SLC6A11: variants seen among roughly 807,000 people sequenced by gnomAD.
SLC6A11 encodes sodium- and chloride-dependent GABA transporter 3.
SLC6A11 carries 25 observed loss-of-function variants against 74.8 expected under a neutral mutation model. The ratio of observed to expected loss-of-function variants is 0.33; its 90% CI spans 0.24 to 0.47. The LOEUF is 0.47. Ranked by LOEUF, SLC6A11 falls within the 20% of genes least tolerant of loss-of-function variation. The pLI is 1.00. For missense variants in SLC6A11, 574 were observed against 837.0 expected (o/e 0.69, Z 3.88); for synonymous variants, 330 against 330.2 (o/e 1.00, Z 0.01).
intron 5 of SLC6A11, among the ~76,000 whole-genome samples, chr3:10,851,554 TGTC>T (rs1396538559): frequency 6.6e-6 from 1 of 152,194 alleles, no homozygotes; most frequent in African/African-American, 2.4e-5. Context: ...CAGATCGTGT[TGTC>T]TGGAGGATGG....
At chr3:10,861,384 G>C (rs1275311969) in intron 5 of SLC6A11, among the ~76,000 whole-genome samples, 1 of 151,902 alleles carries the variant, frequency 6.6e-6, no homozygotes, top group African/African-American at 2.4e-5. Context: ...GGGCATGGTG[G>C]TGGACACCTG....
At chr3:10,925,933 C>G (rs1461743906) in intron 8 of SLC6A11, 71 bp from the exon 9 acceptor site, 5 of 851,840 alleles carry the variant, frequency 5.9e-6, no homozygotes, top group Non-Finnish European at 7.8e-6. Context: ...TCAGTAAATG[C>G]TGGATTAAAA....
chr3:10,926,075 T>C lies in SLC6A11; in HGVS notation c.1192T>C (p.Leu398=), dbSNP rs1695601745. 1 of 1,613,414 alleles carries C rather than the reference T, an allele frequency of 6.2e-7. No homozygotes were observed. The highest frequency in any genetic ancestry group is 1.1e-5 in the South Asian group (1 of 91,064). Residue 398 remains leucine (L), a synonymous_variant, in exon 9 of 14, where the codon TTG becomes CTG. Transcript: ENST00000254488. This position sits in a 1 kb window ranked among gnomAD's most constrained non-coding sequence, Gnocchi z 5.7. ...GCCTCTCTCCCCGCTGTGGGCCACC[T>C]TGTTCTTCATGATGCTCATCTTCCT... The part of the protein sequence containing the change: ...MMPLSPLWAT[L]FFMMLIFLGL...
chr3:10,817,914 C>G (rs1694084496), intron 1 of SLC6A11, among the ~76,000 whole-genome samples: 1 of 152,150 alleles, frequency 6.6e-6, no homozygotes, highest in African/African-American at 2.4e-5. Context: ...TAAGCTGCGT[C>G]CACTTGGAAA....
At chr3:10,893,563 T>C (rs1340040155) in intron 6 of SLC6A11, among the ~76,000 whole-genome samples, 2 of 152,162 alleles carry the variant, frequency 1.3e-5, no homozygotes, top group Non-Finnish European at 2.9e-5. Flanking sequence ...GGGTAGGAGT[T>C]TCCTCAGTTT....
intron 6 of SLC6A11, 58 bp from the exon 7 acceptor site, chr3:10,912,032 A>G: frequency 1.8e-6 from 2 of 1,135,510 alleles, no homozygotes; most frequent in East Asian, 2.3e-5. Flanking sequence ...GACCAGGGCT[A>G]CCCTCTCACC....
chr3:10,895,116 C>T (rs1268810653), intron 6 of SLC6A11, among the ~76,000 whole-genome samples: 2 of 152,216 alleles, frequency 1.3e-5, no homozygotes, highest in Non-Finnish European at 2.9e-5. Flanking sequence ...GATGAACAGC[C>T]TGGAAGTGCC....
chr3:10,910,095 T>C (rs1695366885), intron 6 of SLC6A11, among the ~76,000 whole-genome samples: 1 of 152,158 alleles, frequency 6.6e-6, no homozygotes, highest in Admixed American at 6.5e-5. Context: ...GCCCCTGCAC[T>C]TCATGAAAAA....
rs767600599 is a variant in SLC6A11, at chr3:10,925,992, C to A, written c.1121-12C>A. ...CTCCACCCAGTGGCTTTCTCTCTCT[C>A]CCTCGCTCCAGGCCCCGGCCTGGCC... is the stretch of plus-strand genomic sequence containing the variant. On this transcript the variant is annotated splice_polypyrimidine_tract_variant and intron_variant, in intron 8 of 13. Transcript: ENST00000254488. 28 of 1,519,470 alleles carry A rather than the reference C, an allele frequency of 1.8e-5. No homozygotes were observed. The highest frequency in any genetic ancestry group is 2.3e-5 in the Non-Finnish European group (25 of 1,097,668). The allele number at this position is 1,519,470 out of a possible 1,614,324, so 94.1% of individuals were successfully genotyped here.
At chr3:10,928,913 G>A (rs1695645704) in intron 9 of SLC6A11, among the ~76,000 whole-genome samples, 2 of 152,338 alleles carry the variant, frequency 1.3e-5, no homozygotes, top group South Asian at 2.1e-4. Flanking sequence ...AGGAGTACTA[G>A]ATTTGGAGTC....
intron 5 of SLC6A11, among the ~76,000 whole-genome samples, chr3:10,855,569 T>A (rs2106591749): frequency 6.6e-6 from 1 of 152,318 alleles, no homozygotes; most frequent in Middle Eastern, 3.4e-3. Context: ...AGCTTGTGGG[T>A]CCAGGGAGAT....
At chr3:10,862,482 G>T (rs2106595245) in intron 5 of SLC6A11, among the ~76,000 whole-genome samples, 1 of 152,304 alleles carries the variant, frequency 6.6e-6, no homozygotes, top group Non-Finnish European at 1.5e-5. Context: ...TGTGGACAGG[G>T]ATTTAAATTG....
chr3:10,906,624 G>A (rs183377142), intron 6 of SLC6A11, among the ~76,000 whole-genome samples: 1 of 152,308 alleles, frequency 6.6e-6, no homozygotes, highest in East Asian at 1.9e-4. Context: ...AGTGGGGGAG[G>A]ACTGCAGCAA....
intron 13 of SLC6A11, among the ~76,000 whole-genome samples, chr3:10,936,626 C>G (rs1480798327): frequency 1.3e-5 from 2 of 152,184 alleles, no homozygotes. Context: ...TGCTCATGCC[C>G]CAGAGCAAGT....
rs997454897 is a variant in SLC6A11 at position 10,924,044 on chromosome 3, G to C, written c.1121-1960G>C. Among the ~76,000 whole-genome samples the C allele has an allele frequency of 5.3e-5, 8 of 152,102 alleles. No homozygotes were observed. The South Asian group carries it at 1.2e-3, about 24-fold the overall frequency. On this transcript the variant is annotated intron_variant, in intron 8 of 13. Transcript: ENST00000254488. ...TTGAGTTTAGCAAAGACCAAAAAAA[G>C]ACTAAGGGACTGCCACAGACTGGAG... is the stretch of plus-strand genomic sequence containing the variant.
chr3:10,842,993 TC>T (rs1694457500), intron 4 of SLC6A11, among the ~76,000 whole-genome samples: 1 of 151,956 alleles, frequency 6.6e-6, no homozygotes, highest in Admixed American at 6.6e-5. Context: ...GGATGGGAGC[TC>T]CTTTCTCAAA....
chr3:10,918,417 G>A lies in SLC6A11; in HGVS notation c.1084G>A (p.Glu362Lys), dbSNP rs141411603. ...CTCAGTCCTGGGTTTTATGGCGTAC[G>A]AGCAGGGGGTACCCATTGCTGAGGT... ...IFSVLGFMAY[E>K]QGVPIAEVAE... The change falls in exon 8 of 14, where the codon GAG becomes AAG. Residue 362 changes from glutamate (E) to lysine (K), a missense_variant. By Grantham distance (56) the Glu-to-Lys change is moderately conservative. Around this residue, in one of 4 missense-constraint regions of SLC6A11, gnomAD observed 16 missense variants for 50.1 expected, o/e 0.32. Transcript: ENST00000254488. The surrounding 1 kb of genome is among the most constrained non-coding windows in gnomAD (Gnocchi z 4.5). 1.2e-6 allele frequency: 2 copies of A among 1,606,670 alleles called. No individual in the cohort carries two copies. Among genetic ancestry groups the A allele is most frequent in the Non-Finnish European group, 1.7e-6 (2 of 1,177,466 alleles).
chr3:10,857,678 C>G (rs1056318251), intron 5 of SLC6A11, among the ~76,000 whole-genome samples: 5 of 152,186 alleles, frequency 3.3e-5, no homozygotes, highest in African/African-American at 1.2e-4. Flanking sequence ...CAAATGCTTA[C>G]TCTATGCCAG....
intron 4 of SLC6A11, chr3:10,823,883 T>G (rs1694170299): frequency 6.1e-6 from 1 of 163,316 alleles, no homozygotes; most frequent in Non-Finnish European, 1.3e-5. Context: ...AAGAACTTGG[T>G]CTCATAGCAT....
Sources: allele counts gnomAD v4.1 joint callset (sites outside exome capture counted in the v4.1 genomes callset), GRCh38; gene constraint gnomAD v4.1.1; regional missense constraint gnomAD v4.1.1; non-coding constraint Gnocchi (gnomAD v3.1); transcripts MANE v1.5; gene names NCBI Gene and HGNC (gene_info 2026-07-23, HGNC 2026-07-21).